TNKS: variants seen among roughly 807,000 people sequenced by gnomAD.
TNKS encodes tankyrase.
In TNKS, 72 loss-of-function variants were observed where a neutral mutation model predicts 135.8. That is an observed-to-expected ratio of 0.53 (90% CI 0.44 to 0.64). TNKS has a LOEUF of 0.64. Among genes scored for constraint, TNKS ranks in the 30% least tolerant of loss-of-function variants. The pLI, the probability that TNKS is intolerant of heterozygous loss-of-function variation, is 0.00. For missense variants in TNKS, 1,769 were observed against 1,674.0 expected (o/e 1.06, Z -0.99); for synonymous variants, 849 against 649.3 (o/e 1.31, Z -4.68).
chr8:9,617,134 G>C (rs1021232320), intron 3 of TNKS, among the ~76,000 whole-genome samples: 1 of 152,130 alleles, frequency 6.6e-6, no homozygotes, highest in African/African-American at 2.4e-5. Context: ...TTTTTTAAAA[G>C]GCAAAATTTA....
At chr8:9,717,103 T>TATATATATTTATA (rs1554476739) in intron 11 of TNKS, among the ~76,000 whole-genome samples, 1 of 39,332 alleles carries the variant, frequency 2.5e-5, no homozygotes, top group East Asian at 7.3e-4. Context: ...ATATATATAT[T>TATATATATTTATA]TTCAGGGAAT....
chr8:9,592,549 A>G (rs1288807977), intron 2 of TNKS, among the ~76,000 whole-genome samples: 2 of 152,138 alleles, frequency 1.3e-5, no homozygotes, highest in African/African-American at 2.4e-5. Context: ...CAGCCACAGG[A>G]TGAGGTGCCA....
intron 2 of TNKS, among the ~76,000 whole-genome samples, chr8:9,605,333 A>T (rs369112805): frequency 9.5e-4 from 144 of 151,978 alleles, no homozygotes; most frequent in African/African-American, 3.4e-3. Context: ...ATGAAACGAA[A>T]GTTTGTTTCT....
intron 3 of TNKS, among the ~76,000 whole-genome samples, chr8:9,643,504 C>T (rs554505342): frequency 2.0e-5 from 3 of 152,046 alleles, no homozygotes; most frequent in African/African-American, 7.2e-5. Context: ...TTAAAGGTCC[C>T]GCCTCTCAAA....
intron 26 of TNKS, among the ~76,000 whole-genome samples, chr8:9,775,049 T>G (rs907443535): frequency 6.6e-6 from 1 of 152,106 alleles, no homozygotes; most frequent in Admixed American, 6.5e-5. Context: ...TCTTATGTGG[T>G]AGATGCTCAA....
At chr8:9,601,290 A>C (rs1799006451) in intron 2 of TNKS, among the ~76,000 whole-genome samples, 1 of 152,200 alleles carries the variant, frequency 6.6e-6, no homozygotes, top group African/African-American at 2.4e-5. Context: ...CATATTTTTA[A>C]AACATGAACT....
intron 2 of TNKS, among the ~76,000 whole-genome samples, chr8:9,610,003 G>T (rs926445727): frequency 1.3e-5 from 2 of 151,920 alleles, no homozygotes; most frequent in African/African-American, 2.4e-5. Context: ...GACTACAGGC[G>T]CCCGCCACCA....
intron 17 of TNKS, among the ~76,000 whole-genome samples, chr8:9,742,508 A>G (rs915393097): frequency 6.6e-6 from 1 of 151,710 alleles, no homozygotes; most frequent in Non-Finnish European, 1.5e-5. Flanking sequence ...ATAATCTATT[A>G]TTAGTAACCA....
chr8:9,732,975 A>G (rs1290144918), intron 14 of TNKS, among the ~76,000 whole-genome samples: 1 of 152,178 alleles, frequency 6.6e-6, no homozygotes, highest in Non-Finnish European at 1.5e-5. Flanking sequence ...ATTGTATTAT[A>G]TTTTTTATAA....
intron 11 of TNKS, among the ~76,000 whole-genome samples, chr8:9,711,091 T>A (rs763997942): frequency 1.3e-5 from 2 of 152,184 alleles, no homozygotes; most frequent in African/African-American, 4.8e-5. Context: ...TTTTTCATTC[T>A]CAAGAATGTA....
At chr8:9,599,264 A>T (rs562646319) in intron 2 of TNKS, among the ~76,000 whole-genome samples, 2 of 152,288 alleles carry the variant, frequency 1.3e-5, no homozygotes, top group South Asian at 4.1e-4. Context: ...TTAGCACTGT[A>T]TATCTATTTT....
chr8:9,654,163 G>T lies in TNKS; in HGVS notation c.995-25788G>T, dbSNP rs528084839. 3.9e-5 allele frequency among the ~76,000 whole-genome samples: 6 copies of T among 152,312 alleles called. 1 individual carries two copies. The highest frequency in any genetic ancestry group is 1.4e-4 in the African/African-American group (6 of 41,566). ...TGATTAGCCAGAAGTGGAGCAAGGT[G>T]CTGTGATTGGGAACTGCACCAGAAT... On this transcript the variant is annotated intron_variant, in intron 3 of 26. Coordinates refer to ENST00000310430, the MANE Select transcript of TNKS (RefSeq NM_003747.3).
In TNKS at chr8:9,699,207, T is replaced by G. The variant is rs75150564; in HGVS notation, c.1108-5456T>G. On this transcript the variant is annotated intron_variant, in intron 5 of 26. Coordinates refer to ENST00000310430, the MANE Select transcript of TNKS (RefSeq NM_003747.3). ...TAGAAATGGGGCTGCCTTATTTATC[T>G]AAAACAAATGATACTCTGTTAATTA... 5.1e-3 allele frequency among the ~76,000 whole-genome samples: 779 copies of G among 152,340 alleles called. 10 individuals are homozygous for G. The highest frequency in any genetic ancestry group is 0.017 in the African/African-American group (715 of 41,584).
intron 14 of TNKS, among the ~76,000 whole-genome samples, chr8:9,732,082 C>T (rs1805474794): frequency 6.6e-6 from 1 of 152,148 alleles, no homozygotes; most frequent in Non-Finnish European, 1.5e-5. Context: ...GCCACTGCAC[C>T]CAGCCCTATA....
At chr8:9,690,040 G>T (rs947968786) in intron 5 of TNKS, among the ~76,000 whole-genome samples, 2 of 152,190 alleles carry the variant, frequency 1.3e-5, no homozygotes, top group African/African-American at 4.8e-5. Flanking sequence ...CATGAAGTGT[G>T]AAACATCAAG....
chr8:9,586,421 T>G (rs1327602679), intron 2 of TNKS, among the ~76,000 whole-genome samples: 1 of 151,758 alleles, frequency 6.6e-6, no homozygotes, highest in Non-Finnish European at 1.5e-5. Context: ...ATTTCTGCTG[T>G]TTTTTTTCCC....
At chr8:9,562,617 ATC>A (rs760930802) in intron 1 of TNKS, among the ~76,000 whole-genome samples, 3 of 152,170 alleles carry the variant, frequency 2.0e-5, no homozygotes, top group Non-Finnish European at 4.4e-5. Context: ...CATTCTGACA[ATC>A]TGTGTCTTTT....
At chr8:9,649,839 G>GTGTA (rs1258705287) in intron 3 of TNKS, among the ~76,000 whole-genome samples, 3 of 147,386 alleles carry the variant, frequency 2.0e-5, no homozygotes, top group Non-Finnish European at 4.5e-5. Flanking sequence ...GTATTCCATG[G>GTGTA]TGTATATATA....
chr8:9,596,387 C>G (rs376782804), intron 2 of TNKS, among the ~76,000 whole-genome samples: 2 of 152,124 alleles, frequency 1.3e-5, no homozygotes, highest in South Asian at 4.1e-4. Flanking sequence ...TTCTCATTCT[C>G]AACTGACCAA....
Sources: allele counts gnomAD v4.1 joint callset (sites outside exome capture counted in the v4.1 genomes callset), GRCh38; gene constraint gnomAD v4.1.1; transcripts MANE v1.5; gene names NCBI Gene and HGNC (gene_info 2026-07-23, HGNC 2026-07-21).